ZNF280C: variants seen among roughly 807,000 people sequenced by gnomAD.
ZNF280C encodes suppressor of hairy wing homolog 3.
In ZNF280C, 14 loss-of-function variants were observed where a neutral mutation model predicts 53.6. The ratio of observed to expected loss-of-function variants is 0.26; its 90% CI spans 0.17 to 0.41. The LOEUF (loss-of-function observed/expected upper bound fraction) is 0.41. Among genes scored for constraint, ZNF280C ranks in the 10% least tolerant of loss-of-function variants. The pLI is 1.00. For synonymous variants in ZNF280C, 203 were observed against 181.1 expected (o/e 1.12, Z -0.97); for missense variants, 416 against 547.1 (o/e 0.76, Z 2.39).
intron 2 of ZNF280C, among the ~76,000 whole-genome samples, chrX:130,251,490 C>G (rs968033129): frequency 9.1e-6 from 1 of 110,473 alleles, no homozygotes; most frequent in African/African-American, 3.3e-5. Flanking sequence ...GAGCAAACAG[C>G]CAGAGTAGCG....
In ZNF280C at chrX:130,208,042, A is replaced by G. The variant is rs2031996001; in HGVS notation, c.2042+1611T>C. ...GTATTATACATGATAGGTACACAAT[A>G]AATAGCTAAAGAATATTTCATTTTA... On this transcript the variant is annotated intron_variant, in intron 16 of 18. Transcript: ENST00000370978. 2.7e-5 allele frequency among the ~76,000 whole-genome samples: 3 copies of G among 112,461 alleles called. No homozygotes were observed. The South Asian group carries it at 1.1e-3, about 41-fold the overall frequency.
At chrX:130,253,019 A>G (rs185130196) in intron 2 of ZNF280C, among the ~76,000 whole-genome samples, 36 of 111,956 alleles carry the variant, frequency 3.2e-4, no homozygotes, top group African/African-American at 1.1e-3. Context: ...AGAAAACCCC[A>G]TAGTCTCTGC....
intron 15 of ZNF280C, among the ~76,000 whole-genome samples, chrX:130,211,713 G>C (rs1264522898): frequency 9.0e-6 from 1 of 111,514 alleles, no homozygotes; most frequent in African/African-American, 3.3e-5. Flanking sequence ...ACAGTGCAGG[G>C]GCTCACCAGA....
chrX:130,264,381 T>A (rs1479282521), intron 1 of ZNF280C, among the ~76,000 whole-genome samples: 4 of 111,864 alleles, frequency 3.6e-5, no homozygotes, highest in Non-Finnish European at 5.6e-5. Context: ...GATTACCCCA[T>A]TTTTCAAACC....
chrX:130,225,175 C>T (rs2032207836), intron 12 of ZNF280C, among the ~76,000 whole-genome samples: 1 of 110,829 alleles, frequency 9.0e-6, no homozygotes, highest in Admixed American at 9.6e-5. Context: ...TGTTATCACT[C>T]CCTTCAAATC....
chrX:130,267,584 T>C (rs1045274086), intron 1 of ZNF280C, among the ~76,000 whole-genome samples: 12 of 111,771 alleles, frequency 1.1e-4, no homozygotes, highest in African/African-American at 3.9e-4. Context: ...CAATGAAATA[T>C]ACAAATGCAA....
chrX:130,215,090 G>T, intron 15 of ZNF280C, 103 bp downstream of exon 15: 1 of 905,173 alleles, frequency 1.1e-6, no homozygotes, highest in Non-Finnish European at 1.6e-6. Flanking sequence ...GACCCTTTTA[G>T]TTCCTTGATG....
At position 130,216,002 on chromosome X, in the gene ZNF280C, T is replaced by C. The variant is rs1386760567; in HGVS notation, c.1627A>G (p.Thr543Ala). The C allele has an allele frequency of 8.3e-7, 1 of 1,209,582 alleles. No individual in the cohort carries two copies. Among genetic ancestry groups the C allele is most frequent in the Non-Finnish European group, 1.1e-6 (1 of 894,964 alleles). ...TTTCTAGCAGTTGTATTTTGAGATG[T>C]CGGAGGTGTGACCTGAAGAAAAGAA... ...GTSFLQVTPP[T>A]SQNTTARNPR... Residue 543 changes from threonine to alanine, a missense_variant, in exon 14 of 19, where the codon ACA becomes GCA. This residue lies in a region of ZNF280C where 151 missense variants were observed against 176.9 expected (regional missense o/e 0.85). Transcript: ENST00000370978.
intron 2 of ZNF280C, among the ~76,000 whole-genome samples, chrX:130,257,040 AAC>A (rs1417995826): frequency 9.2e-6 from 1 of 108,260 alleles, no homozygotes; most frequent in Non-Finnish European, 1.9e-5. Context: ...CTCTACTAAA[AAC>A]ACAAAAAAAT....
intron 6 of ZNF280C, 44 bp from the exon 7 acceptor site, chrX:130,236,683 AG>A: frequency 3.1e-6 from 3 of 971,947 alleles, no homozygotes; most frequent in Non-Finnish European, 2.8e-6. Context: ...TAAATATTTC[AG>A]TATGGAATAT....
chrX:130,234,783 G>A (rs1000469187), intron 8 of ZNF280C, among the ~76,000 whole-genome samples: 3 of 111,501 alleles, frequency 2.7e-5, no homozygotes, highest in Admixed American at 1.9e-4. Flanking sequence ...TAAGTGGCGT[G>A]TTACCTTAAT....
rs762312374 is a variant in ZNF280C, at chrX:130,262,424, TAAAC to T, written c.-16-1963_-16-1960del. On this transcript the variant is annotated intron_variant, in intron 1 of 18. Transcript: ENST00000370978. ...CCATACTTAGTTCCAGTTTTTAAAA[TAAAC>T]AAATACATACAACTTCATGGATTCC... Among the ~76,000 whole-genome samples, 6 of 112,338 alleles carry T rather than the reference TAAAC, an allele frequency of 5.3e-5. No homozygotes were observed. The South Asian group carries it at 1.8e-3, about 34-fold the overall frequency.
At chrX:130,239,492 A>T in intron 6 of ZNF280C, 90 bp downstream of exon 6, 1 of 481,426 alleles carries the variant, frequency 2.1e-6, no homozygotes. Context: ...CTTAACATGA[A>T]GGTATGGGCT....
chrX:130,251,788 GA>G (rs56669311), intron 2 of ZNF280C, among the ~76,000 whole-genome samples: 35,563 of 81,194 alleles, frequency 0.44, 6,548 homozygotes, highest in African/African-American at 0.64. Context: ...GACTTCGTCT[GA>G]AAAAAAAAAA....
At chrX:130,218,269 T>C (rs2032125781) in intron 13 of ZNF280C, among the ~76,000 whole-genome samples, 1 of 111,662 alleles carries the variant, frequency 9.0e-6, no homozygotes, top group Non-Finnish European at 1.9e-5. Flanking sequence ...AGGCCTGCAT[T>C]ACCCTCTGGT....
chrX:130,231,680 T>C (rs781669012), intron 8 of ZNF280C, among the ~76,000 whole-genome samples: 1 of 110,301 alleles, frequency 9.1e-6, no homozygotes, highest in Admixed American at 9.6e-5. Context: ...TCATGCAATA[T>C]ACCCTTGTTA....
At chrX:130,219,003 G>A (rs2032133590) in intron 13 of ZNF280C, among the ~76,000 whole-genome samples, 1 of 111,703 alleles carries the variant, frequency 9.0e-6, no homozygotes, top group African/African-American at 3.3e-5. Context: ...TGCAGGGAAG[G>A]ATGCCAGATG....
chrX:130,233,622 C>CAAAA (rs35420272), intron 8 of ZNF280C, among the ~76,000 whole-genome samples: 10 of 52,825 alleles, frequency 1.9e-4, no homozygotes, highest in Admixed American at 4.8e-4. Context: ...AACTCTGTCT[C>CAAAA]AAAAAAAAAA....
rs1405079535 is a variant in ZNF280C at position 130,263,668 on chromosome X, C to T, written c.-16-3203G>A. ...CACAACTGTGAATATACTAAAACCACTGAATTGCACACTTCAAATGAGTAA... is the reference window on the plus strand; with the variant it reads ...CACAACTGTGAATATACTAAAACCATTGAATTGCACACTTCAAATGAGTAA... On this transcript the variant is annotated intron_variant, in intron 1 of 18. Transcript: ENST00000370978. Among the ~76,000 whole-genome samples the T allele has an allele frequency of 6.7e-4, 75 of 111,562 alleles. 1 individual carries two copies. Among genetic ancestry groups the T allele is most frequent in the Non-Finnish European group, 7.5e-5 (4 of 53,124 alleles).
Sources: allele counts gnomAD v4.1 joint callset (sites outside exome capture counted in the v4.1 genomes callset), GRCh38; gene constraint gnomAD v4.1.1; regional missense constraint gnomAD v4.1.1; transcripts MANE v1.5; gene names NCBI Gene and HGNC (gene_info 2026-07-23, HGNC 2026-07-21).